The following PTPRD variants were observed in gnomAD, a reference collection of about 807,000 sequenced individuals.
The protein encoded by PTPRD is protein tyrosine phosphatase receptor type D.
In PTPRD, 34 loss-of-function variants were observed where a neutral mutation model predicts 214.5. That is an observed-to-expected ratio of 0.16 (90% CI 0.12 to 0.21). PTPRD has a LOEUF of 0.21. Ranked by LOEUF, PTPRD falls within the 10% of genes least tolerant of loss-of-function variation. The pLI is 1.00. For missense variants in PTPRD, 2,545 were observed against 2,398.7 expected (o/e 1.06, Z -1.27); for synonymous variants, 1,128 against 845.7 (o/e 1.33, Z -5.79).
chr9:8,826,384 T>A (rs2097175653), intron 11 of PTPRD, among the ~76,000 whole-genome samples: 1 of 152,170 alleles, frequency 6.6e-6, no homozygotes, highest in Non-Finnish European at 1.5e-5. Flanking sequence ...TGAAATCCAA[T>A]CTCATTACCA....
At chr9:10,607,193 A>C in intron 2 of PTPRD, among the ~76,000 whole-genome samples, 1 of 151,800 alleles carries the variant, frequency 6.6e-6, no homozygotes, top group East Asian at 1.9e-4. Context: ...TTTTTGCTTC[A>C]TGGTTATTTC....
At chr9:9,185,952 T>C (rs1358871331) in intron 9 of PTPRD, among the ~76,000 whole-genome samples, 1 of 151,740 alleles carries the variant, frequency 6.6e-6, no homozygotes, top group Non-Finnish European at 1.5e-5. Flanking sequence ...TATCTGTCGA[T>C]CTGGTAGAGG....
chr9:8,469,395 AATAGGTAGAACAATTC>A (rs1264827556), intron 31 of PTPRD, among the ~76,000 whole-genome samples: 1 of 152,024 alleles, frequency 6.6e-6, no homozygotes, highest in Non-Finnish European at 1.5e-5. Flanking sequence ...ACTTTTTTTT[AATAGGTAGAACAATTC>A]ATAGATTCTA....
In PTPRD at chr9:10,272,988, AG is replaced by A. The variant is rs972538129; in HGVS notation, c.-545+67974del. Among the ~76,000 whole-genome samples the A allele has an allele frequency of 2.2e-3, 335 of 151,144 alleles. 2 individuals carry two copies. The highest frequency in any genetic ancestry group is 8.0e-3 in the African/African-American group (324 of 40,504). Reference sequence around the variant, plus strand: ...AATGCCTGATGTCACTGTCAAACATAGAAAGATTTGATGAGCAAACCCACAG... The same window carrying A: ...AATGCCTGATGTCACTGTCAAACATAAAAGATTTGATGAGCAAACCCACAG... On this transcript the variant is annotated intron_variant, in intron 3 of 45. Transcript: ENST00000381196.
chr9:9,480,757 TACA>T (rs1419151534), intron 8 of PTPRD, among the ~76,000 whole-genome samples: 1 of 152,020 alleles, frequency 6.6e-6, no homozygotes, highest in Non-Finnish European at 1.5e-5. Context: ...TTGATAAAAA[TACA>T]ACATTAACAT....
At position 9,429,114 on chromosome 9, in the gene PTPRD, A is replaced by G. The variant is rs181035965; in HGVS notation, c.-236-31632T>C. Reference sequence around the variant, plus strand: ...CCTTCAAAAATCAATGAATCCAGGAACTGGTTTTTTGAAAAGATCAATGAA... The same window carrying G: ...CCTTCAAAAATCAATGAATCCAGGAGCTGGTTTTTTGAAAAGATCAATGAA... On this transcript the variant is annotated intron_variant, in intron 8 of 45. Coordinates refer to ENST00000381196, the MANE Select transcript of PTPRD (RefSeq NM_002839.4). 2.5e-3 allele frequency among the ~76,000 whole-genome samples: 385 copies of G among 152,232 alleles called. 3 individuals are homozygous for G. The highest frequency in any genetic ancestry group is 8.5e-3 in the African/African-American group (354 of 41,554).
At chr9:10,317,779 G>A (rs1040629938) in intron 3 of PTPRD, among the ~76,000 whole-genome samples, 1 of 151,904 alleles carries the variant, frequency 6.6e-6, no homozygotes, top group Non-Finnish European at 1.5e-5. Flanking sequence ...CCCCAATGTG[G>A]TCTATAAGCT....
chr9:10,106,751 CAT>C (rs1182731137), intron 3 of PTPRD, among the ~76,000 whole-genome samples: 1 of 151,160 alleles, frequency 6.6e-6, no homozygotes, highest in African/African-American at 2.4e-5. Flanking sequence ...TTTAAATAGA[CAT>C]AGAAAAAAAG....
At chr9:9,417,962 G>C (rs2077473657) in intron 8 of PTPRD, among the ~76,000 whole-genome samples, 1 of 151,916 alleles carries the variant, frequency 6.6e-6, no homozygotes, top group Non-Finnish European at 1.5e-5. Context: ...GTTTCCAATT[G>C]TCATCTGATT....
intron 11 of PTPRD, among the ~76,000 whole-genome samples, chr9:8,741,119 G>T (rs2091809881): frequency 6.6e-6 from 1 of 152,026 alleles, no homozygotes; most frequent in African/African-American, 2.4e-5. Flanking sequence ...TTATTTTCAA[G>T]GATGGCAAAA....
rs557993933 is a variant in PTPRD, at chr9:9,516,517, A to ATTTAT, written c.-237+58210_-237+58214dup. On this transcript the variant is annotated intron_variant, in intron 8 of 45. Transcript: ENST00000381196. ...AAAAATAAAATATATATACATATAT[A>ATTTAT]TTTATTTTATTTTATTTTATTTTAT... Among the ~76,000 whole-genome samples, 1,093 of 149,880 alleles carry ATTTAT rather than the reference A, an allele frequency of 7.3e-3. 10 individuals carry two copies. Among genetic ancestry groups the ATTTAT allele is most frequent in the Middle Eastern group, 0.021 (6 of 284 alleles).
chr9:9,828,524 A>T (rs1016144886), intron 5 of PTPRD, among the ~76,000 whole-genome samples: 2 of 152,078 alleles, frequency 1.3e-5, no homozygotes, highest in Admixed American at 1.3e-4. Context: ...GAGGGGAGGG[A>T]TAGCATTAGG....
chr9:10,116,612 T>C (rs2098733018), intron 3 of PTPRD, among the ~76,000 whole-genome samples: 2 of 152,186 alleles, frequency 1.3e-5, no homozygotes, highest in Admixed American at 6.6e-5. Flanking sequence ...TTTAATTTTA[T>C]GTACATTAAA....
At position 8,485,331 on chromosome 9, in the gene PTPRD, GA is replaced by G; in HGVS notation, c.3056-8del. ...TGAAAATTTTTTGCAAACACTGCTGGAAAAGGAAAAACAGTGTATTTAAACT... is the reference window on the plus strand; with the variant it reads ...TGAAAATTTTTTGCAAACACTGCTGGAAAGGAAAAACAGTGTATTTAAACT... On this transcript the variant is annotated splice_polypyrimidine_tract_variant and splice_region_variant and intron_variant, in intron 28 of 45. Transcript: ENST00000381196. 1 of 1,602,710 alleles carries G rather than the reference GA, an allele frequency of 6.2e-7. No homozygotes were observed. The highest frequency in any genetic ancestry group is 8.5e-7 in the Non-Finnish European group (1 of 1,169,980).
intron 3 of PTPRD, among the ~76,000 whole-genome samples, chr9:10,253,080 G>T (rs2092931699): frequency 6.6e-6 from 1 of 152,078 alleles, no homozygotes; most frequent in Non-Finnish European, 1.5e-5. Context: ...ACTGTGCCTG[G>T]CCACGTATTT....
At chr9:8,350,158 T>C (rs954377620) in intron 39 of PTPRD, among the ~76,000 whole-genome samples, 1 of 152,110 alleles carries the variant, frequency 6.6e-6, no homozygotes, top group East Asian at 1.9e-4. Context: ...ACAGTAGTAA[T>C]GTGCAAAAAG....
At chr9:8,882,195 TG>T (rs1277641213) in intron 11 of PTPRD, among the ~76,000 whole-genome samples, 1 of 152,218 alleles carries the variant, frequency 6.6e-6, no homozygotes, top group African/African-American at 2.4e-5. Context: ...GTCGACTCAT[TG>T]ACTAAAAACA....
intron 11 of PTPRD, among the ~76,000 whole-genome samples, chr9:8,814,229 G>C (rs2096874648): frequency 6.6e-6 from 1 of 152,188 alleles, no homozygotes; most frequent in Admixed American, 6.5e-5. Context: ...TAGCCAGAAA[G>C]TCAAGGCTAA....
At chr9:9,978,078 C>A (rs2154059766) in intron 4 of PTPRD, among the ~76,000 whole-genome samples, 1 of 151,284 alleles carries the variant, frequency 6.6e-6, no homozygotes, top group South Asian at 2.1e-4. Flanking sequence ...TATTGTAGAG[C>A]AACCACTTAG....
Sources: gnomAD v4.1 joint callset for allele counts (sites outside exome capture counted in the v4.1 genomes callset) on GRCh38, gnomAD v4.1.1 for gene constraint, MANE v1.5 for transcripts, NCBI Gene and HGNC (gene_info 2026-07-23, HGNC 2026-07-21) for gene names.